The following FNIP1 variants were observed in gnomAD, a reference collection of about 807,000 sequenced individuals.
FNIP1 encodes the protein folliculin-interacting protein 1.
A neutral mutation model predicts 124.5 loss-of-function variants in FNIP1; 40 were observed. That is an observed-to-expected ratio of 0.32 (90% CI 0.25 to 0.42). The LOEUF (loss-of-function observed/expected upper bound fraction) is 0.42. FNIP1 is among the 10% of genes least tolerant of loss of function. FNIP1 has a pLI of 1.00. For synonymous variants in FNIP1, 472 were observed against 470.6 expected, an observed-to-expected ratio of 1.00 and a Z score of -0.04; for missense variants, 1,176 against 1,403.7, an observed-to-expected ratio of 0.84 and a Z score of 2.59.
intron 15 of FNIP1, among the ~76,000 whole-genome samples, chr5:131,668,535 AT>A (rs1010794133): frequency 6.6e-6 from 1 of 152,088 alleles, no homozygotes; most frequent in Non-Finnish European, 1.5e-5. Context: ...AAATACAAAA[AT>A]TAGGCAGGTG....
intron 15 of FNIP1, among the ~76,000 whole-genome samples, chr5:131,665,500 A>G (rs181664668): frequency 2.0e-5 from 3 of 151,744 alleles, no homozygotes; most frequent in Non-Finnish European, 2.9e-5. Flanking sequence ...AGGTTCCTAC[A>G]TGTTTTTCCA....
chr5:131,676,406 CCCAAAGTG>C (rs935709663), intron 13 of FNIP1, among the ~76,000 whole-genome samples: 42 of 152,114 alleles, frequency 2.8e-4, no homozygotes, highest in African/African-American at 1.0e-3. Flanking sequence ...ACCTCAGCCT[CCCAAAGTG>C]CCAGGATTAC....
chr5:131,706,693 C>G, intron 8 of FNIP1, 147 bp from the exon 9 acceptor site: 3 of 825,228 alleles, frequency 3.6e-6, no homozygotes, highest in Non-Finnish European at 5.2e-6. Context: ...ACACATCCTT[C>G]TTGTAGCAAG....
At chr5:131,769,937 AT>A (rs1469872573) in intron 1 of FNIP1, among the ~76,000 whole-genome samples, 1 of 152,210 alleles carries the variant, frequency 6.6e-6, no homozygotes, top group Admixed American at 6.5e-5. Flanking sequence ...CAATGTATGT[AT>A]TTTTTAAGGA....
At chr5:131,699,315 G>T (rs567629349) in intron 10 of FNIP1, among the ~76,000 whole-genome samples, 13 of 150,488 alleles carry the variant, frequency 8.6e-5, no homozygotes, top group Non-Finnish European at 1.9e-4. Context: ...TTCCCAAACA[G>T]AACAAGACAT....
intron 3 of FNIP1, among the ~76,000 whole-genome samples, chr5:131,725,253 T>C (rs1186018509): frequency 6.6e-6 from 1 of 152,248 alleles, no homozygotes; most frequent in African/African-American, 2.4e-5. Flanking sequence ...CAATGGTAGA[T>C]TGATGGGGAT....
At chr5:131,723,708 T>TA (rs966998606) in intron 3 of FNIP1, among the ~76,000 whole-genome samples, 9 of 152,124 alleles carry the variant, frequency 5.9e-5, no homozygotes, top group Non-Finnish European at 1.3e-4. Flanking sequence ...TATATACATT[T>TA]AAAAAAAATT....
intron 1 of FNIP1, among the ~76,000 whole-genome samples, chr5:131,788,718 A>G (rs1354412344): frequency 1.3e-5 from 2 of 149,062 alleles, no homozygotes; most frequent in Admixed American, 6.6e-5. Flanking sequence ...AAAAAAAAAG[A>G]AGTGATATCC....
At chr5:131,777,040 G>A (rs1259075965) in intron 1 of FNIP1, among the ~76,000 whole-genome samples, 2 of 151,918 alleles carry the variant, frequency 1.3e-5, no homozygotes, top group South Asian at 2.1e-4. Flanking sequence ...AAGACCAGTC[G>A]AAGCAACATA....
At chr5:131,729,910 T>C (rs1400975257) in intron 3 of FNIP1, among the ~76,000 whole-genome samples, 1 of 151,514 alleles carries the variant, frequency 6.6e-6, no homozygotes, top group East Asian at 1.9e-4. Flanking sequence ...CATGCCTAAT[T>C]TTACATTTTT....
At chr5:131,727,768 A>G (rs1460710185) in intron 3 of FNIP1, among the ~76,000 whole-genome samples, 2 of 152,176 alleles carry the variant, frequency 1.3e-5, no homozygotes, top group African/African-American at 4.8e-5. Flanking sequence ...GTTTCTTCTT[A>G]GTGTCAACAG....
chr5:131,740,228 C>T (rs4705893), intron 2 of FNIP1, among the ~76,000 whole-genome samples: 140,645 of 152,294 alleles, frequency 0.92, 65,103 homozygotes, highest in African/African-American at 0.98. Flanking sequence ...AAATGAATGT[C>T]TCACTTTTAT....
intron 1 of FNIP1, among the ~76,000 whole-genome samples, chr5:131,747,040 A>AT (rs1348265608): frequency 2.6e-5 from 4 of 152,000 alleles, no homozygotes; most frequent in Non-Finnish European, 4.4e-5. Flanking sequence ...GATGATGAGC[A>AT]TTTTTTCATG....
intron 1 of FNIP1, among the ~76,000 whole-genome samples, chr5:131,778,122 G>A (rs1022164612): frequency 5.3e-5 from 8 of 152,030 alleles, no homozygotes; most frequent in Non-Finnish European, 7.4e-5. Context: ...ACTTTGGGGG[G>A]CCCAGGCTGC....
chr5:131,774,941 T>C (rs1771753800), intron 1 of FNIP1, among the ~76,000 whole-genome samples: 1 of 152,218 alleles, frequency 6.6e-6, no homozygotes, highest in African/African-American at 2.4e-5. Flanking sequence ...TTATAACTTA[T>C]TAGTAATGTT....
chr5:131,762,663 G>C (rs1771270478), intron 1 of FNIP1, among the ~76,000 whole-genome samples: 1 of 152,056 alleles, frequency 6.6e-6, no homozygotes, highest in East Asian at 1.9e-4. Flanking sequence ...ATGTTAGTAT[G>C]ACCACTACGG....
At chr5:131,705,614 T>C (rs1769081986) in intron 9 of FNIP1, among the ~76,000 whole-genome samples, 2 of 152,102 alleles carry the variant, frequency 1.3e-5, no homozygotes, top group East Asian at 1.9e-4. Context: ...TATGGAGAAA[T>C]TGGAACCATT....
chr5:131,739,572 G>A (rs933681624), intron 2 of FNIP1, among the ~76,000 whole-genome samples: 7 of 151,954 alleles, frequency 4.6e-5, no homozygotes, highest in Non-Finnish European at 1.0e-4. Context: ...CCAGCACTTT[G>A]GGAGGCCGAG....
intron 1 of FNIP1, among the ~76,000 whole-genome samples, chr5:131,782,072 T>C (rs527935970): frequency 6.9e-4 from 105 of 152,008 alleles, no homozygotes; most frequent in African/African-American, 2.4e-3. Flanking sequence ...GAGGATCACT[T>C]AAGCCCAGGA....
Sources: allele counts gnomAD v4.1 joint callset (sites outside exome capture counted in the v4.1 genomes callset), GRCh38; gene constraint gnomAD v4.1.1; transcripts MANE v1.5; gene names NCBI Gene and HGNC (gene_info 2026-07-23, HGNC 2026-07-21).